The following ABCB7 variants were observed in gnomAD, a reference collection of about 807,000 sequenced individuals.
The protein encoded by ABCB7 is iron-sulfur clusters transporter ABCB7, mitochondrial.
ABCB7 carries 7 observed loss-of-function variants against 54.4 expected under a neutral mutation model. That is an observed-to-expected ratio of 0.13 (90% CI 0.07 to 0.24). The LOEUF is 0.24. ABCB7 is among the 10% of genes least tolerant of loss of function. The pLI is 1.00. For missense variants in ABCB7, 356 were observed against 570.4 expected (o/e 0.62, Z 3.83); for synonymous variants, 218 against 207.1 (o/e 1.05, Z -0.45).
chrX:75,133,089 A>G (rs2081986421), intron 1 of ABCB7, among the ~76,000 whole-genome samples: 1 of 112,160 alleles, frequency 8.9e-6, no homozygotes, highest in African/African-American at 3.2e-5. Flanking sequence ...CCAGGTATAC[A>G]ATAAAATGAT....
At chrX:75,125,552 C>T (rs192780800) in intron 1 of ABCB7, among the ~76,000 whole-genome samples, 1 of 111,475 alleles carries the variant, frequency 9.0e-6, no homozygotes, top group East Asian at 2.8e-4. Flanking sequence ...GCATGGATGT[C>T]TTCTCTTTAT....
chrX:75,067,017 T>C (rs2081325184), intron 12 of ABCB7, among the ~76,000 whole-genome samples: 1 of 111,858 alleles, frequency 8.9e-6, no homozygotes, highest in South Asian at 3.7e-4. Context: ...TTCACATCTC[T>C]GTTTATTTCC....
At position 75,061,371 on chromosome X, in the gene ABCB7, T is replaced by C. The variant is rs192493068; in HGVS notation, c.1935+957A>G. The stretch of plus-strand genomic sequence containing the variant: ...AATGACTGTTGGTAGGTCTTTTAGT[T>C]TGTGGTAGTATGACACATTTTTAGG... On this transcript the variant is annotated intron_variant, in intron 14 of 15. Coordinates refer to ENST00000373394, the MANE Select transcript of ABCB7 (RefSeq NM_001271696.3). Among the ~76,000 whole-genome samples the C allele has an allele frequency of 7.4e-4, 83 of 112,098 alleles. 1 individual carries two copies. In the East Asian group the frequency reaches 0.02, roughly 27 times the overall value.
chrX:75,057,775 T>C (rs77246898), intron 15 of ABCB7, among the ~76,000 whole-genome samples: 6 of 102,181 alleles, frequency 5.9e-5, no homozygotes, highest in African/African-American at 1.4e-4. Flanking sequence ...TTTTTTTTTT[T>C]CCTGGGGCTG....
intron 1 of ABCB7, among the ~76,000 whole-genome samples, chrX:75,125,237 A>C (rs932501840): frequency 1.8e-5 from 2 of 111,505 alleles, no homozygotes; most frequent in African/African-American, 6.5e-5. Flanking sequence ...AGTCTGATAC[A>C]AGCCGTCCAT....
chrX:75,068,064 T>C (rs188033620), intron 12 of ABCB7, among the ~76,000 whole-genome samples: 72 of 111,575 alleles, frequency 6.5e-4, no homozygotes, highest in Non-Finnish European at 1.1e-3. Flanking sequence ...AGTGAACAAA[T>C]TAACATATCC....
intron 1 of ABCB7, among the ~76,000 whole-genome samples, chrX:75,148,206 T>C (rs929158977): frequency 1.8e-5 from 2 of 112,095 alleles, no homozygotes; most frequent in Non-Finnish European, 3.8e-5. Context: ...CAAATTGGAC[T>C]TCAAATAAAT....
chrX:75,053,224 G>A lies in ABCB7; in HGVS notation c.*146C>T, dbSNP rs2081208898. The A allele has an allele frequency of 3.7e-6, 3 of 800,505 alleles. No homozygotes were observed. The Admixed American group carries it at 1.1e-4, about 28-fold the overall frequency. The allele number at this position is 800,505 out of a possible 1,213,427, so 66.0% of individuals were successfully genotyped here. The stretch of plus-strand genomic sequence containing the variant: ...CCACATTAAATAGACTATGAAAGAT[G>A]TAAAACTCAAATCCCCTTTTAAATA... On this transcript the variant is annotated 3_prime_UTR_variant, in exon 16 of 16. Coordinates refer to ENST00000373394, the MANE Select transcript of ABCB7 (RefSeq NM_001271696.3).
intron 3 of ABCB7, among the ~76,000 whole-genome samples, chrX:75,104,804 A>C (rs1331069867): frequency 8.9e-6 from 1 of 111,865 alleles, no homozygotes; most frequent in Non-Finnish European, 1.9e-5. Flanking sequence ...AATCCTCAAC[A>C]AAGTATCAGT....
intron 13 of ABCB7, 60 bp from the exon 14 acceptor site, chrX:75,062,491 T>A: frequency 1.2e-6 from 1 of 866,966 alleles, no homozygotes; most frequent in African/African-American, 2.0e-5. Flanking sequence ...ATGTTTTTAG[T>A]GTTTCCATTG....
At chrX:75,080,200 C>T (rs2081444444) in intron 4 of ABCB7, among the ~76,000 whole-genome samples, 1 of 112,118 alleles carries the variant, frequency 8.9e-6, no homozygotes, top group Non-Finnish European at 1.9e-5. Context: ...ATATAAGTTT[C>T]CATTCATCTG....
Position 75,069,091 on chromosome X carries a change from T to A in ABCB7, c.1575A>T (p.Gln525His). 8.3e-7 allele frequency: 1 copy of A among 1,209,502 alleles called. No individual in the cohort carries two copies. Among genetic ancestry groups the A allele is most frequent in the Non-Finnish European group, 1.1e-6 (1 of 893,300 alleles). ...GACCAGCAAGATAAATGCTACCCTT[T>A]TGAGGCTCATAGAAGCGAAATAATA... ...VRLLFRFYEP[Q>H]KGSIYLAGQN... is the part of the protein sequence containing the mutation. The change falls in exon 12 of 16, where the codon CAA (glutamine) becomes CAT (histidine). Residue 525 changes from glutamine (Q) to histidine (H), a missense_variant. Physicochemically the swap from Gln to His is conservative, Grantham distance 24. Transcript: ENST00000373394.
intron 1 of ABCB7, among the ~76,000 whole-genome samples, chrX:75,149,445 C>T (rs768941670): frequency 8.9e-6 from 1 of 111,824 alleles, no homozygotes; most frequent in African/African-American, 3.2e-5. Flanking sequence ...AGAAATGCAA[C>T]GGACAAACTT....
At chrX:75,153,775 A>ATATATATATAT (rs1569253219) in intron 1 of ABCB7, among the ~76,000 whole-genome samples, 2 of 26,615 alleles carry the variant, frequency 7.5e-5, no homozygotes, top group South Asian at 2.5e-3. Flanking sequence ...TATATATATA[A>ATATATATATAT]AATATATATG....
Position 75,070,586 on chromosome X carries a change from T to C in ABCB7, c.1208-64A>G, listed in dbSNP as rs146228924. The C allele has an allele frequency of 7.1e-4, 746 of 1,052,697 alleles. 3 individuals are homozygous for C. In the African/African-American group the frequency reaches 0.012, roughly 17 times the overall value. 86.8% of individuals were successfully genotyped at this position (1,052,697 alleles called of 1,213,427 possible). On this transcript the variant is annotated intron_variant, in intron 9 of 15. Coordinates refer to ENST00000373394, the MANE Select transcript of ABCB7 (RefSeq NM_001271696.3). Reference sequence around the variant, plus strand: ...TGTTACATACTTTTCCAATTTACGATAGGTTTATAGTCTATTACGACGGAA... The same window carrying C: ...TGTTACATACTTTTCCAATTTACGACAGGTTTATAGTCTATTACGACGGAA...
chrX:75,122,419 A>G (rs1309648477), intron 1 of ABCB7, among the ~76,000 whole-genome samples: 1 of 98,078 alleles, frequency 1.0e-5, no homozygotes, highest in Admixed American at 1.1e-4. Context: ...AAAATGGGCG[A>G]GCAGCAGCTC....
chrX:75,095,563 A>G (rs1022731572), intron 4 of ABCB7, among the ~76,000 whole-genome samples: 2 of 112,718 alleles, frequency 1.8e-5, no homozygotes, highest in Non-Finnish European at 1.9e-5. Flanking sequence ...TGCTACTACT[A>G]TGTTCTACAT....
At position 75,075,643 on chromosome X, in the gene ABCB7, T is replaced by A. The variant is rs1405598617; in HGVS notation, c.587-13A>T. On this transcript the variant is annotated splice_polypyrimidine_tract_variant and intron_variant, in intron 5 of 15. Transcript: ENST00000373394. ...CTTGATACACCATCTAACAATACATTCAAAAGAAAAAATAGGATGTAACAA... is the reference window on the plus strand; with the variant it reads ...CTTGATACACCATCTAACAATACATACAAAAGAAAAAATAGGATGTAACAA... The A allele has an allele frequency of 8.4e-7, 1 of 1,194,758 alleles. No individual in the cohort carries two copies. The highest frequency in any genetic ancestry group is 1.1e-6 in the Non-Finnish European group (1 of 883,320).
chrX:75,086,833 C>T (rs2081501875), intron 4 of ABCB7, among the ~76,000 whole-genome samples: 1 of 111,446 alleles, frequency 9.0e-6, no homozygotes, highest in Admixed American at 9.5e-5. Context: ...AGAAACCAGC[C>T]AAAACCAGCT....
Sources: gnomAD v4.1 joint callset for allele counts (sites outside exome capture counted in the v4.1 genomes callset) on GRCh38, gnomAD v4.1.1 for gene constraint, MANE v1.5 for transcripts, NCBI Gene and HGNC (gene_info 2026-07-23, HGNC 2026-07-21) for gene names.